The following MRTFB variants were observed in gnomAD, a reference collection of about 807,000 sequenced individuals.
The protein encoded by MRTFB is myocardin related transcription factor B, also known as myocardin-related transcription factor B.
A neutral mutation model predicts 104.2 loss-of-function variants in MRTFB; 29 were observed. The observed-to-expected ratio is 0.28, with a 90% CI of 0.21 to 0.38. The LOEUF is 0.38. MRTFB is among the 10% of genes least tolerant of loss of function. The pLI is 1.00. For synonymous variants in MRTFB, 535 were observed against 519.5 expected (o/e 1.03, Z -0.41); for missense variants, 1,270 against 1,341.6 (o/e 0.95, Z 0.83).
the MRTFB span, chr16:14,020,220 C>T: frequency 2.0e-5 from 3 of 152,210 alleles, no homozygotes; most frequent in Admixed American, 1.3e-4. Context: ...AACACTCTGC[C>T]TCCCATGCAA....
the MRTFB span, among the ~76,000 whole-genome samples, chr16:14,040,205 C>A: frequency 6.6e-6 from 1 of 152,202 alleles, no homozygotes; most frequent in Admixed American, 6.5e-5. Flanking sequence ...TTGCACCAAC[C>A]TAATATACGC....
At chr16:14,187,136 G>C (rs77936200) in intron 3 of MRTFB, 30 of 899,474 alleles carry the variant, frequency 3.3e-5, no homozygotes, top group Non-Finnish European at 4.5e-5. Flanking sequence ...TGCTCTCTCT[G>C]TTCACTCATG....
chr16:14,229,742 CT>C (rs1314107392), intron 8 of MRTFB, among the ~76,000 whole-genome samples: 1 of 151,962 alleles, frequency 6.6e-6, no homozygotes, highest in East Asian at 1.9e-4. Context: ...TCAACAGTGC[CT>C]TTTTAGTTTT....
chr16:14,006,973 C>T, the MRTFB span, among the ~76,000 whole-genome samples: 1 of 151,988 alleles, frequency 6.6e-6, no homozygotes, highest in African/African-American at 2.4e-5. Flanking sequence ...GCTATGATCG[C>T]ACCACTGCAC....
In MRTFB at chr16:14,200,874, G is replaced by A. The variant is rs2040670934; in HGVS notation, c.155-9369G>A. On this transcript the variant is annotated intron_variant, in intron 3 of 16. Transcript: ENST00000571589. ...GTGCCAACCTGTATGGTTACCTCAG[G>A]TGTAAGGTGGGCAGCAGAAAGAATT... The A allele has an allele frequency of 2.7e-6, 4 of 1,458,954 alleles. No homozygotes were observed. In the South Asian group the frequency reaches 3.4e-5, roughly 12 times the overall value. 90.4% of individuals were successfully genotyped at this position (1,458,954 alleles called of 1,614,324 possible).
the MRTFB span, among the ~76,000 whole-genome samples, chr16:14,057,879 T>C: frequency 6.6e-6 from 1 of 152,200 alleles, no homozygotes; most frequent in Non-Finnish European, 1.5e-5. Flanking sequence ...AAAATAAGTG[T>C]GTTCCAGGTA....
intron 8 of MRTFB, among the ~76,000 whole-genome samples, chr16:14,233,133 T>A (rs2042339650): frequency 6.6e-6 from 1 of 152,244 alleles, no homozygotes; most frequent in Non-Finnish European, 1.5e-5. Flanking sequence ...TAGCTTCCTT[T>A]GTTAATAATA....
chr16:14,093,832 A>G (rs1161758755), intron 2 of MRTFB, among the ~76,000 whole-genome samples: 3 of 152,232 alleles, frequency 2.0e-5, no homozygotes, highest in Non-Finnish European at 4.4e-5. Context: ...TGCAAATTGT[A>G]TCACTTCTAA....
the MRTFB span, chr16:14,020,869 G>A: frequency 6.6e-6 from 1 of 152,360 alleles, no homozygotes; most frequent in African/African-American, 2.4e-5. Context: ...TGGCTCTTCT[G>A]TATTTCAGGG....
At position 14,246,536 on chromosome 16, in the gene MRTFB, C is replaced by G; in HGVS notation, c.1276C>G (p.Leu426Val). 6.2e-7 allele frequency: 1 copy of G among 1,614,178 alleles called. No individual in the cohort carries two copies. Among genetic ancestry groups the G allele is most frequent in the South Asian group, 1.1e-5 (1 of 91,076 alleles). Residue 426 changes from leucine to valine, a missense_variant, in exon 12 of 17, where the codon CTC (leucine) becomes GTC (valine). Leu to Val is a conservative substitution (Grantham distance 32, BLOSUM62 1). Coordinates refer to ENST00000571589, the MANE Select transcript of MRTFB (RefSeq NM_001308142.2). ...GCCAGTGTCAGGCACCAAACCGGACCTCATTGAGCGCCTAAAACCCTACCA... is the reference window on the plus strand; with the variant it reads ...GCCAGTGTCAGGCACCAAACCGGACGTCATTGAGCGCCTAAAACCCTACCA... ...GLPVSGTKPD[L>V]IERLKPYQEV...
chr16:14,200,103 A>AG, intron 3 of MRTFB: 2 of 581,386 alleles, frequency 3.4e-6, no homozygotes, highest in Non-Finnish European at 5.9e-6. Context: ...ACCTTATCAA[A>AG]GTTTTAAGGG....
intron 2 of MRTFB, among the ~76,000 whole-genome samples, chr16:14,090,953 G>A (rs899450918): frequency 7.3e-5 from 11 of 150,582 alleles, no homozygotes; most frequent in African/African-American, 2.7e-4. Flanking sequence ...AAAATAGGAG[G>A]CAAGGAGTGA....
chr16:14,231,418 TG>T (rs1397303500), intron 8 of MRTFB, among the ~76,000 whole-genome samples: 6 of 151,364 alleles, frequency 4.0e-5, no homozygotes, highest in African/African-American at 1.5e-4. Flanking sequence ...CACAGGTACT[TG>T]TGCAGGTGTG....
At chr16:14,123,064 T>C (rs1013132921) in intron 2 of MRTFB, among the ~76,000 whole-genome samples, 3 of 152,276 alleles carry the variant, frequency 2.0e-5, no homozygotes, top group African/African-American at 7.2e-5. Context: ...TTTTTTCATA[T>C]GTTTGTTGGC....
At chr16:14,050,160 G>GAC in the MRTFB span, among the ~76,000 whole-genome samples, 1 of 148,802 alleles carries the variant, frequency 6.7e-6, no homozygotes, top group African/African-American at 2.6e-5. Flanking sequence ...AAGACAGACA[G>GAC]ACAGACACAC....
the MRTFB span, among the ~76,000 whole-genome samples, chr16:14,066,248 T>C: frequency 6.6e-6 from 1 of 150,916 alleles, no homozygotes; most frequent in African/African-American, 2.4e-5. Flanking sequence ...TTTAATTTAT[T>C]TTTATTGATT....
In MRTFB at chr16:14,109,076, A is replaced by C. The variant is rs528075400; in HGVS notation, c.-64+29722A>C. 1.7e-4 allele frequency among the ~76,000 whole-genome samples: 26 copies of C among 152,340 alleles called. No individual in the cohort carries two copies. In the South Asian group the frequency reaches 5.0e-3, roughly 29 times the overall value. ...AAGAAATTGATCTTTAAAGGATTTAAGGCTTACCTGTCCAAAGGCTTAAAT... is the reference window on the plus strand; with the variant it reads ...AAGAAATTGATCTTTAAAGGATTTACGGCTTACCTGTCCAAAGGCTTAAAT... On this transcript the variant is annotated intron_variant, in intron 2 of 16. Coordinates refer to ENST00000571589, the MANE Select transcript of MRTFB (RefSeq NM_001308142.2).
chr16:14,141,488 G>GT (rs951495915), intron 3 of MRTFB: 19 of 152,018 alleles, frequency 1.2e-4, no homozygotes, highest in African/African-American at 3.1e-4. Context: ...TAGAATTAAG[G>GT]TTTTTTTCTG....
chr16:14,256,382 A>G lies in MRTFB; in HGVS notation c.2704-1719A>G, dbSNP rs188217242. ...TATGCAGTTTTAAGATATGTCTGCA[A>G]ATTCTTTGACATTCCTCTCTGGGTT... On this transcript the variant is annotated intron_variant, in intron 15 of 16. Coordinates refer to ENST00000571589, the MANE Select transcript of MRTFB (RefSeq NM_001308142.2). Among the ~76,000 whole-genome samples the G allele has an allele frequency of 3.2e-4, 49 of 152,324 alleles. No homozygotes were observed. In the East Asian group the frequency reaches 4.4e-3, roughly 14 times the overall value.
Sources: allele counts gnomAD v4.1 joint callset (sites outside exome capture counted in the v4.1 genomes callset), GRCh38; gene constraint gnomAD v4.1.1; transcripts MANE v1.5; gene names NCBI Gene and HGNC (gene_info 2026-07-23, HGNC 2026-07-21).